Variants in STRA8 observed in about 807,000 individuals in gnomAD.
STRA8 encodes stimulated by retinoic acid 8.
Under a neutral mutation model 37.1 loss-of-function variants are expected in STRA8, and 18 were observed. That is an observed-to-expected ratio of 0.48 (90% confidence interval 0.34 to 0.72). The LOEUF (loss-of-function observed/expected upper bound fraction) is 0.72. Ranked by LOEUF, STRA8 falls within the 30% of genes least tolerant of loss-of-function variation. STRA8 has a pLI of 0.01. For synonymous variants in STRA8, 168 were observed against 162.9 expected (o/e 1.03, Z -0.24); for missense variants, 357 against 410.4 (o/e 0.87, Z 1.13).
At chr7:135,234,747 C>G (rs917936932) in intron 1 of STRA8, among the ~76,000 whole-genome samples, 1 of 152,188 alleles carries the variant, frequency 6.6e-6, no homozygotes, top group Non-Finnish European at 1.5e-5. Flanking sequence ...CAGTGTTAAT[C>G]CTCACAAAAT....
Position 135,251,999 on chromosome 7 carries a change from AGG to A in STRA8, c.953+132_953+133del, listed in dbSNP as rs796558998. ...AGTCAGAGACAGAGAGAGGAGACAG[AGG>A]GAGAGAGAGAGAGTGTGTGTGTGTG... On this transcript the variant is annotated intron_variant, in intron 7 of 8. Transcript: ENST00000662584. 8.1e-4 allele frequency: 630 copies of A among 774,568 alleles called. 3 individuals carry two copies. The African/African-American group carries it at 0.011, about 14-fold the overall frequency. 48.0% of individuals were successfully genotyped at this position (774,568 alleles called of 1,614,324 possible).
chr7:135,245,263 G>A (rs748687161), intron 4 of STRA8, 25 bp from the exon 5 acceptor site: 15 of 780,752 alleles, frequency 1.9e-5, no homozygotes, highest in Middle Eastern at 4.5e-4. Context: ...ATCTATAGTT[G>A]TCTTGTTTCT....
intron 7 of STRA8, among the ~76,000 whole-genome samples, chr7:135,253,726 C>T (rs899572412): frequency 3.3e-5 from 5 of 152,220 alleles, no homozygotes; most frequent in Non-Finnish European, 7.3e-5. Context: ...AATTCCCTTG[C>T]TGCTTTGCTT....
chr7:135,235,226 G>T (rs1832353382), intron 1 of STRA8, among the ~76,000 whole-genome samples: 1 of 152,074 alleles, frequency 6.6e-6, no homozygotes, highest in South Asian at 2.1e-4. Context: ...ATTCTGAAAG[G>T]CCTAGTATTA....
chr7:135,240,642 C>T lies in STRA8; in HGVS notation c.118C>T (p.Arg40Ter), dbSNP rs369945906. The change falls in exon 2 of 9, where the codon CGA (arginine) becomes TGA (stop). Residue 40 changes from arginine to a stop codon, truncating the protein, a stop_gained. Transcript: ENST00000662584. LOFTEE classifies it high-confidence loss of function. ...GAGACGGCTGTCCCAGGCCCGCCAC[C>T]GAGCCACCCTGGCAGCGCTCTTCAA... Reference protein sequence around the residue: ...ARRRLSQARHRATLAALFNNL... With the variant: ...ARRRLSQARH The T allele has an allele frequency of 5.6e-6, 9 of 1,614,040 alleles. No individual in the cohort carries two copies. Among genetic ancestry groups the T allele is most frequent in the African/African-American group, 2.7e-5 (2 of 74,926 alleles).
chr7:135,254,803 G>A (rs1373346522), intron 7 of STRA8, among the ~76,000 whole-genome samples: 2 of 152,210 alleles, frequency 1.3e-5, no homozygotes, highest in Non-Finnish European at 2.9e-5. Context: ...AGTGGAACCA[G>A]AACTGTGGGG....
chr7:135,257,099 A>G (rs1183327155), intron 8 of STRA8, among the ~76,000 whole-genome samples: 1 of 152,164 alleles, frequency 6.6e-6, no homozygotes, highest in Admixed American at 6.5e-5. Context: ...TGCCCCTATC[A>G]GGAGAGCATG....
At position 135,246,848 on chromosome 7, in the gene STRA8, C is replaced by CA; in HGVS notation, c.879+146_879+147insA. 5 of 675,946 alleles carry CA rather than the reference C, an allele frequency of 7.4e-6. No individual in the cohort carries two copies. The highest frequency in any genetic ancestry group is 3.7e-5 in the Admixed American group (1 of 27,296). The allele number at this position is 675,946 out of a possible 1,614,324, so 41.9% of individuals were successfully genotyped here. A position where few individuals can be genotyped will look rare whatever the true frequency, so the allele number is the denominator to read the frequency against. ...GTCGGTTTCTGATTTTCTTTTTTCT[C>CA]TTTTTTTTTTTTTTGAGACGGAGTC... On this transcript the variant is annotated intron_variant, in intron 6 of 8. Coordinates refer to ENST00000662584, the MANE Select transcript of STRA8 (RefSeq NM_001394401.1). The surrounding 1 kb of genome is among the most constrained non-coding windows in gnomAD (Gnocchi z 5.4).
chr7:135,248,111 G>A (rs1295857480), intron 6 of STRA8, among the ~76,000 whole-genome samples: 1 of 152,186 alleles, frequency 6.6e-6, no homozygotes, highest in Admixed American at 6.5e-5. Context: ...GAGAGCGTCC[G>A]ATTGTCTCTG....
Position 135,246,337 on chromosome 7 carries a change from G to C in STRA8, c.594-80G>C. 1 of 1,536,212 alleles carries C rather than the reference G, an allele frequency of 6.5e-7. No individual in the cohort carries two copies. The highest frequency in any genetic ancestry group is 8.8e-7 in the Non-Finnish European group (1 of 1,133,684). On this transcript the variant is annotated intron_variant, in intron 5 of 8. Coordinates refer to ENST00000662584, the MANE Select transcript of STRA8 (RefSeq NM_001394401.1). The surrounding 1 kb of genome is among the most constrained non-coding windows in gnomAD (Gnocchi z 5.4). ...GCGCCGTGGCCGGGCCTGCGTGCTG[G>C]GGTCCACACCATGAACCGAATCCCG...
intron 7 of STRA8, among the ~76,000 whole-genome samples, chr7:135,254,089 T>C (rs1418202606): frequency 1.3e-5 from 2 of 152,190 alleles, no homozygotes; most frequent in African/African-American, 2.4e-5. Flanking sequence ...CAAATCGACC[T>C]TACAGAGTGA....
At chr7:135,257,254 C>A (rs1434436119) in intron 8 of STRA8, among the ~76,000 whole-genome samples, 1 of 152,202 alleles carries the variant, frequency 6.6e-6, no homozygotes, top group African/African-American at 2.4e-5. Flanking sequence ...CCATGGGGAT[C>A]AACTCTGATC....
chr7:135,252,013 A>AGAGAGAGAGTGTGTGT lies in STRA8; in HGVS notation c.953+145_953+146insAGAGAGAGTGTGTGTG, dbSNP rs142941773. On this transcript the variant is annotated intron_variant, in intron 7 of 8. Transcript: ENST00000662584. Reference sequence around the variant, plus strand: ...AGAGGAGACAGAGGGAGAGAGAGAGAGTGTGTGTGTGTGTGTGTGTGTGTG... The same window carrying AGAGAGAGAGTGTGTGT: ...AGAGGAGACAGAGGGAGAGAGAGAGAGAGAGAGAGTGTGTGTGTGTGTGTGTGTGTGTGTGTGTGTG... The AGAGAGAGAGTGTGTGT allele has an allele frequency of 9.9e-6, 5 of 505,288 alleles. No individual in the cohort carries two copies. The African/African-American group carries it at 1.1e-4, about 11-fold the overall frequency. 31.3% of individuals were successfully genotyped at this position (505,288 alleles called of 1,614,324 possible).
intron 8 of STRA8, among the ~76,000 whole-genome samples, chr7:135,255,823 G>A (rs1433557009): frequency 6.6e-6 from 1 of 152,234 alleles, no homozygotes; most frequent in Non-Finnish European, 1.5e-5. Flanking sequence ...GGAGCCCTTT[G>A]AAGCAGGAAC....
At chr7:135,233,033 C>A (rs1224460938), upstream of STRA8, among the ~76,000 whole-genome samples, 1 of 152,194 alleles carries the variant, frequency 6.6e-6, no homozygotes, top group African/African-American at 2.4e-5. Context: ...CTCGCTAGTA[C>A]CCCCACCAGT....
chr7:135,234,774 G>T (rs949333213), intron 1 of STRA8, among the ~76,000 whole-genome samples: 2 of 152,194 alleles, frequency 1.3e-5, no homozygotes, highest in African/African-American at 4.8e-5. Context: ...TTAGAAGAAG[G>T]TATCAACGAA....
upstream of STRA8, chr7:135,231,986 A>C: frequency 6.2e-7 from 1 of 1,614,110 alleles, no homozygotes. Flanking sequence ...GCTATGGGGA[A>C]GATTGATGTG....
At chr7:135,232,887 A>C (rs556397002), upstream of STRA8, among the ~76,000 whole-genome samples, 1 of 152,310 alleles carries the variant, frequency 6.6e-6, no homozygotes. Context: ...CCCCTGCCTC[A>C]GGAGTGAAGG....
chr7:135,251,984 A>AGAGACG, intron 7 of STRA8, 115 bp downstream of exon 7: 1 of 919,930 alleles, frequency 1.1e-6, no homozygotes, highest in East Asian at 2.4e-5. Flanking sequence ...AGTCAGAGAC[A>AGAGACG]GAGAGAGGAG....
Sources: allele counts gnomAD v4.1 joint callset (sites outside exome capture counted in the v4.1 genomes callset), GRCh38; gene constraint gnomAD v4.1.1; non-coding constraint Gnocchi (gnomAD v3.1); transcripts MANE v1.5; gene names NCBI Gene and HGNC (gene_info 2026-07-23, HGNC 2026-07-21).